Variants in KDM4C observed in about 807,000 individuals in gnomAD.
KDM4C encodes the protein lysine-specific demethylase 4C.
A neutral mutation model predicts 129.3 loss-of-function variants in KDM4C; 81 were observed. That is an observed-to-expected ratio of 0.63 (90% CI 0.52 to 0.75). KDM4C has a LOEUF of 0.75. KDM4C is among the 30% of genes least tolerant of loss of function. KDM4C has a pLI of 0.00. For missense variants in KDM4C, 1,457 were observed against 1,304.0 expected (o/e 1.12, Z -1.81); for synonymous variants, 573 against 456.1 (o/e 1.26, Z -3.26).
intron 4 of KDM4C, chr9:6,834,496 C>T (rs1173445896): frequency 7.9e-6 from 5 of 632,420 alleles, no homozygotes; most frequent in South Asian, 7.8e-5. Flanking sequence ...GACAACGGCT[C>T]CGGCATGTGG....
intron 1 of KDM4C, among the ~76,000 whole-genome samples, chr9:6,786,830 A>G (rs1164721660): frequency 2.0e-5 from 3 of 152,204 alleles, no homozygotes; most frequent in Non-Finnish European, 2.9e-5. Flanking sequence ...AAGAAATGCA[A>G]ATGGCTATGT....
chr9:6,821,988 C>T (rs1288906801), intron 4 of KDM4C, among the ~76,000 whole-genome samples: 1 of 152,100 alleles, frequency 6.6e-6, no homozygotes, highest in Admixed American at 6.6e-5. Flanking sequence ...TTAGGTTATA[C>T]TAAAAAATCT....
At chr9:7,014,915 A>AACACACACACACACACACACAC (rs55864882) in intron 14 of KDM4C, among the ~76,000 whole-genome samples, 17 of 146,278 alleles carry the variant, frequency 1.2e-4, no homozygotes, top group African/African-American at 4.3e-4. Context: ...GGCAATTTGT[A>AACACACACACACACACACACAC]ACACACACAC....
chr9:7,162,920 A>G (rs1843956258), intron 19 of KDM4C, among the ~76,000 whole-genome samples: 1 of 152,112 alleles, frequency 6.6e-6, no homozygotes. Context: ...AGGAGTCAGG[A>G]TTTGGAGATG....
intron 1 of KDM4C, among the ~76,000 whole-genome samples, chr9:6,751,642 A>T (rs531678913): frequency 1.0e-3 from 155 of 152,270 alleles, no homozygotes; most frequent in Non-Finnish European, 1.2e-3. Flanking sequence ...AGAAGAGAGA[A>T]GCCACTTACA....
At chr9:6,876,365 A>G (rs889573373) in intron 5 of KDM4C, among the ~76,000 whole-genome samples, 1 of 152,144 alleles carries the variant, frequency 6.6e-6, no homozygotes, top group African/African-American at 2.4e-5. Context: ...ACAGTGTATA[A>G]TGAGCTCCTA....
chr9:6,990,403 G>A lies in KDM4C; in HGVS notation c.1678-13G>A, dbSNP rs1270276883. ...ATAATGGTATTTCTCCACCATTTTTGTTCTATAACTAGATAGCAGAGGGAG... is the reference window on the plus strand; with the variant it reads ...ATAATGGTATTTCTCCACCATTTTTATTCTATAACTAGATAGCAGAGGGAG... On this transcript the variant is annotated splice_polypyrimidine_tract_variant and intron_variant, in intron 11 of 21. Coordinates refer to ENST00000381309, the MANE Select transcript of KDM4C (RefSeq NM_015061.6). The A allele has an allele frequency of 6.8e-7, 1 of 1,467,824 alleles. No individual in the cohort carries two copies. Among genetic ancestry groups the A allele is most frequent in the South Asian group, 1.2e-5 (1 of 85,704 alleles). 90.9% of individuals were successfully genotyped at this position (1,467,824 alleles called of 1,614,324 possible).
intron 8 of KDM4C, among the ~76,000 whole-genome samples, chr9:6,905,408 A>G (rs1291601184): frequency 2.0e-5 from 3 of 152,194 alleles, no homozygotes; most frequent in Non-Finnish European, 2.9e-5. Context: ...TTGCCTTACA[A>G]CTACAGCCAT....
At chr9:7,114,799 C>G (rs7869012) in intron 18 of KDM4C, among the ~76,000 whole-genome samples, 10 of 151,932 alleles carry the variant, frequency 6.6e-5, no homozygotes, top group African/African-American at 1.9e-4. Flanking sequence ...GGTGGGGGCA[C>G]CTGCATTCAG....
At position 7,027,705 on chromosome 9, in the gene KDM4C, G is replaced by A. The variant is rs116787539; in HGVS notation, c.2259+11776G>A. Among the ~76,000 whole-genome samples, 702 of 152,296 alleles carry A rather than the reference G, an allele frequency of 4.6e-3. 8 individuals are homozygous for A. Among genetic ancestry groups the A allele is most frequent in the African/African-American group, 0.016 (673 of 41,564 alleles). On this transcript the variant is annotated intron_variant, in intron 15 of 21. Coordinates refer to ENST00000381309, the MANE Select transcript of KDM4C (RefSeq NM_015061.6). ...GGTGAGTTGTTGTGGGCCCAGGTGC[G>A]TACTGAGGTACCATCCAGGAGCTAG...
At chr9:6,826,980 C>T (rs185359581) in intron 4 of KDM4C, among the ~76,000 whole-genome samples, 39 of 151,990 alleles carry the variant, frequency 2.6e-4, no homozygotes, top group Admixed American at 9.8e-4. Context: ...TGGGTGGAGG[C>T]GGGAGAGTAT....
intron 1 of KDM4C, among the ~76,000 whole-genome samples, chr9:6,769,507 A>G (rs1046785140): frequency 2.6e-5 from 4 of 152,168 alleles, no homozygotes; most frequent in African/African-American, 4.8e-5. Flanking sequence ...TGGTTTCATC[A>G]TTTCTCAAAT....
chr9:6,739,525 A>G (rs1238499919), intron 1 of KDM4C, among the ~76,000 whole-genome samples: 1 of 152,198 alleles, frequency 6.6e-6, no homozygotes, highest in Non-Finnish European at 1.5e-5. Flanking sequence ...CTCAGCATCA[A>G]ATAACATTAT....
chr9:6,959,842 G>A (rs547207928), intron 8 of KDM4C, among the ~76,000 whole-genome samples: 1 of 152,064 alleles, frequency 6.6e-6, no homozygotes, highest in Admixed American at 6.5e-5. Flanking sequence ...TTATCACCAG[G>A]CATGTTCTTA....
chr9:6,772,357 C>T (rs1378065083), intron 1 of KDM4C, among the ~76,000 whole-genome samples: 2 of 151,546 alleles, frequency 1.3e-5, no homozygotes, highest in African/African-American at 4.9e-5. Flanking sequence ...CCATGTTGGC[C>T]AGACTGGTCC....
chr9:6,898,999 A>G (rs575408419), intron 8 of KDM4C, among the ~76,000 whole-genome samples: 1 of 151,636 alleles, frequency 6.6e-6, no homozygotes, highest in Non-Finnish European at 1.5e-5. Flanking sequence ...TTCAATTTTA[A>G]GTGTCTGACA....
At chr9:7,010,215 T>G (rs1235401834) in intron 12 of KDM4C, among the ~76,000 whole-genome samples, 1 of 152,230 alleles carries the variant, frequency 6.6e-6, no homozygotes, top group East Asian at 1.9e-4. Flanking sequence ...AGAGTCAGAT[T>G]ACTTCATTGC....
upstream of KDM4C, among the ~76,000 whole-genome samples, chr9:6,753,800 A>T (rs1203726183): frequency 6.6e-6 from 1 of 151,886 alleles, no homozygotes; most frequent in East Asian, 1.9e-4. Context: ...TTATTCCTGT[A>T]TAAGTAACAT....
At chr9:6,786,289 C>G (rs764990948) in intron 1 of KDM4C, among the ~76,000 whole-genome samples, 3 of 152,132 alleles carry the variant, frequency 2.0e-5, no homozygotes. Flanking sequence ...TGTCCTTTAT[C>G]ATAATGTAAA....
Sources: gnomAD v4.1 joint callset for allele counts (sites outside exome capture counted in the v4.1 genomes callset) on GRCh38, gnomAD v4.1.1 for gene constraint, MANE v1.5 for transcripts, NCBI Gene and HGNC (gene_info 2026-07-23, HGNC 2026-07-21) for gene names.